The following RNF180 variants were observed in gnomAD, a reference collection of about 807,000 sequenced individuals.
The protein encoded by RNF180 is E3 ubiquitin-protein ligase RNF180.
Under a neutral mutation model 59.2 loss-of-function variants are expected in RNF180, and 38 were observed. That is an observed-to-expected ratio of 0.64 (90% CI 0.50 to 0.84). The LOEUF is 0.84. RNF180 is among the 40% of genes least tolerant of loss of function. RNF180 has a pLI of 0.00. For missense variants in RNF180, 705 were observed against 700.9 expected (o/e 1.01, Z -0.07); for synonymous variants, 262 against 240.3 (o/e 1.09, Z -0.84).
Position 64,334,663 on chromosome 5 carries a change from A to G in RNF180, c.1579+4257A>G, listed in dbSNP as rs186170633. On this transcript the variant is annotated intron_variant, in intron 7 of 7. Coordinates refer to ENST00000389100, the MANE Select transcript of RNF180 (RefSeq NM_001113561.2). ...TTTTGCTTGTCTTTTAACTTTTATA[A>G]TGGTAGCAATGTATATATTCTGCTT... 1.7e-3 allele frequency among the ~76,000 whole-genome samples: 261 copies of G among 152,252 alleles called. 2 individuals are homozygous for G. The highest frequency in any genetic ancestry group is 0.017 in the Middle Eastern group (5 of 294).
At chr5:64,261,391 A>C (rs1744331819) in intron 5 of RNF180, among the ~76,000 whole-genome samples, 1 of 152,162 alleles carries the variant, frequency 6.6e-6, no homozygotes, top group Non-Finnish European at 1.5e-5. Flanking sequence ...AATCCTGATG[A>C]GACAATCTTA....
intron 5 of RNF180, among the ~76,000 whole-genome samples, chr5:64,224,809 T>TA (rs1741577206): frequency 6.6e-6 from 1 of 152,200 alleles, no homozygotes; most frequent in African/African-American, 2.4e-5. Context: ...CTTTAAAGGA[T>TA]AATTAGGCCT....
chr5:64,349,158 C>A (rs1745677694), intron 7 of RNF180, among the ~76,000 whole-genome samples: 1 of 152,038 alleles, frequency 6.6e-6, no homozygotes, highest in Non-Finnish European at 1.5e-5. Context: ...GAAGTAAATC[C>A]TCCCATTTCT....
At chr5:64,232,070 A>G (rs1440134448) in intron 5 of RNF180, among the ~76,000 whole-genome samples, 2 of 152,210 alleles carry the variant, frequency 1.3e-5, no homozygotes, top group Admixed American at 6.5e-5. Flanking sequence ...CTGTTGTCAT[A>G]CTAAGTGCCA....
chr5:64,166,711 C>G (rs576871990), intron 1 of RNF180, among the ~76,000 whole-genome samples: 132 of 152,218 alleles, frequency 8.7e-4, no homozygotes, highest in Non-Finnish European at 1.7e-3. Flanking sequence ...ATTATGCGGT[C>G]GGGTTACTAT....
intron 7 of RNF180, among the ~76,000 whole-genome samples, chr5:64,364,932 CTGAT>C (rs1418070504): frequency 6.7e-6 from 1 of 150,094 alleles, no homozygotes; most frequent in Non-Finnish European, 1.5e-5. Flanking sequence ...TTTGTTGTTT[CTGAT>C]TGTTTACTTG....
intron 1 of RNF180, among the ~76,000 whole-genome samples, chr5:64,197,583 A>G (rs1561182196): frequency 1.3e-5 from 2 of 152,202 alleles, no homozygotes. Flanking sequence ...TCGAAGCAGT[A>G]AATAATATTG....
intron 1 of RNF180, among the ~76,000 whole-genome samples, chr5:64,178,254 T>A (rs957647851): frequency 6.6e-6 from 1 of 151,476 alleles, no homozygotes; most frequent in Non-Finnish European, 1.5e-5. Flanking sequence ...CTCTGGCCTT[T>A]CTATGATCTG....
intron 7 of RNF180, among the ~76,000 whole-genome samples, chr5:64,331,549 C>T (rs954781096): frequency 2.6e-5 from 4 of 152,046 alleles, no homozygotes; most frequent in African/African-American, 4.8e-5. Context: ...GTAGAGACAG[C>T]GGGACAACCT....
intron 7 of RNF180, among the ~76,000 whole-genome samples, chr5:64,355,206 C>A (rs556340453): frequency 1.3e-5 from 2 of 151,922 alleles, no homozygotes; most frequent in South Asian, 2.1e-4. Context: ...GCTACTAGAG[C>A]TAATTAATTT....
chr5:64,226,990 T>C (rs1343030519), intron 5 of RNF180, among the ~76,000 whole-genome samples: 2 of 152,146 alleles, frequency 1.3e-5, no homozygotes, highest in Non-Finnish European at 2.9e-5. Flanking sequence ...CCCGGCTGAC[T>C]CCCTGGTTTC....
At chr5:64,166,853 C>T (rs1749667709) in intron 1 of RNF180, among the ~76,000 whole-genome samples, 1 of 152,174 alleles carries the variant, frequency 6.6e-6, no homozygotes, top group Admixed American at 6.5e-5. Flanking sequence ...TCCAGTTGGT[C>T]TCTTAGTCTC....
intron 5 of RNF180, among the ~76,000 whole-genome samples, chr5:64,239,457 A>C (rs1301723833): frequency 6.6e-6 from 1 of 152,144 alleles, no homozygotes; most frequent in Non-Finnish European, 1.5e-5. Context: ...TAGATAATGC[A>C]CTTTTTTGGA....
rs190249947 is a variant in RNF180, at chr5:64,352,496, G to T, written c.1580-17119G>T. Among the ~76,000 whole-genome samples the T allele has an allele frequency of 7.2e-5, 11 of 151,830 alleles. No individual in the cohort carries two copies. In the East Asian group the frequency reaches 2.1e-3, roughly 30 times the overall value. On this transcript the variant is annotated intron_variant, in intron 7 of 7. Coordinates refer to ENST00000389100, the MANE Select transcript of RNF180 (RefSeq NM_001113561.2). ...CTATTTCTTTTAATTGTGATGTTAG[G>T]GTGTCAATTTTAGATCTTTCCTGCT...
intron 5 of RNF180, among the ~76,000 whole-genome samples, chr5:64,266,803 T>A (rs1243059203): frequency 2.0e-5 from 3 of 152,088 alleles, no homozygotes; most frequent in Non-Finnish European, 4.4e-5. Flanking sequence ...GTGTATTTAT[T>A]TATATATAAA....
At chr5:64,187,189 G>A (rs1360614174) in intron 1 of RNF180, among the ~76,000 whole-genome samples, 2 of 152,148 alleles carry the variant, frequency 1.3e-5, no homozygotes. Flanking sequence ...CAGTTTACAA[G>A]AATAAAGAAG....
chr5:64,349,384 T>G (rs1352435499), intron 7 of RNF180, among the ~76,000 whole-genome samples: 1 of 151,576 alleles, frequency 6.6e-6, no homozygotes, highest in African/African-American at 2.4e-5. Context: ...GTAATAATAA[T>G]AAGTTATGAC....
At chr5:64,279,228 A>G (rs746482568) in intron 5 of RNF180, among the ~76,000 whole-genome samples, 45 of 152,234 alleles carry the variant, frequency 3.0e-4, no homozygotes, top group Non-Finnish European at 4.9e-4. Flanking sequence ...ACAATATTAA[A>G]TGCTGCAGAA....
At position 64,213,740 on chromosome 5, in the gene RNF180, G is replaced by A; in HGVS notation, c.414G>A (p.Leu138=). 1 of 1,614,156 alleles carries A rather than the reference G, an allele frequency of 6.2e-7. No homozygotes were observed. The highest frequency in any genetic ancestry group is 2.2e-5 in the East Asian group (1 of 44,888). ...GRLMRPSVKY[L]SHPRVQSGCD... ...TAATGAGACCATCAGTGAAATACTT[G>A]TCACATCCTAGAGTTCAGTCAGGTT... is the stretch of plus-strand genomic sequence containing the variant. The change falls in exon 4 of 8, where the codon TTG becomes TTA. Residue 138 remains leucine (L), a synonymous_variant. Transcript: ENST00000389100.
Sources: gnomAD v4.1 joint callset for allele counts (sites outside exome capture counted in the v4.1 genomes callset) on GRCh38, gnomAD v4.1.1 for gene constraint, MANE v1.5 for transcripts, NCBI Gene and HGNC (gene_info 2026-07-23, HGNC 2026-07-21) for gene names.